Variants in RAP1A observed in about 807,000 individuals in gnomAD.
The protein encoded by RAP1A is RAP1A, member of RAS oncogene family.
A neutral mutation model predicts 26.4 loss-of-function variants in RAP1A; 6 were observed. That is an observed-to-expected ratio of 0.23 (90% CI 0.12 to 0.45). RAP1A has a LOEUF of 0.45. Ranked by LOEUF, RAP1A falls within the 20% of genes least tolerant of loss-of-function variation. RAP1A has a pLI of 0.99. For missense variants in RAP1A, 121 were observed against 217.2 expected, an observed-to-expected ratio of 0.56 and a Z score of 2.78; for synonymous variants, 73 against 79.4, an observed-to-expected ratio of 0.92 and a Z score of 0.43.
chr1:111,634,444 T>A (rs1659663473), intron 1 of RAP1A, among the ~76,000 whole-genome samples: 1 of 151,290 alleles, frequency 6.6e-6, no homozygotes, highest in African/African-American at 2.4e-5. Context: ...TATCTATTCA[T>A]ATGTAGAATA....
chr1:111,594,528 G>A (rs11102311), intron 1 of RAP1A, among the ~76,000 whole-genome samples: 8,382 of 147,070 alleles, frequency 0.057, 247 homozygotes, highest in African/African-American at 0.068. Flanking sequence ...GAAGGGGAAA[G>A]GGAAGAAGGA....
At chr1:111,644,885 A>T (rs867140521) in intron 1 of RAP1A, among the ~76,000 whole-genome samples, 1 of 152,104 alleles carries the variant, frequency 6.6e-6, no homozygotes, top group Non-Finnish European at 1.5e-5. Flanking sequence ...TTTAAAAAAG[A>T]TTTGTTTTTG....
At chr1:111,620,149 A>G (rs1659144205) in intron 1 of RAP1A, among the ~76,000 whole-genome samples, 2 of 152,138 alleles carry the variant, frequency 1.3e-5, no homozygotes, top group Non-Finnish European at 2.9e-5. Context: ...GCCAGAGCCA[A>G]CCACGCCCGC....
At chr1:111,637,513 G>A (rs949980274) in intron 1 of RAP1A, among the ~76,000 whole-genome samples, 4 of 152,158 alleles carry the variant, frequency 2.6e-5, no homozygotes, top group Admixed American at 6.5e-5. Context: ...CACCCCATTG[G>A]TGGTGATACT....
intron 1 of RAP1A, among the ~76,000 whole-genome samples, chr1:111,674,366 C>G (rs1447207211): frequency 2.0e-5 from 3 of 152,046 alleles, no homozygotes; most frequent in Admixed American, 6.6e-5. Flanking sequence ...ACTCTCCCAC[C>G]TCACTCTACC....
intron 3 of RAP1A, among the ~76,000 whole-genome samples, chr1:111,696,341 T>C (rs1247616879): frequency 6.6e-6 from 1 of 152,262 alleles, no homozygotes; most frequent in Non-Finnish European, 1.5e-5. Context: ...TTGAATTAAT[T>C]TGTTAGTTCA....
chr1:111,655,216 A>G (rs1387674461), intron 1 of RAP1A, among the ~76,000 whole-genome samples: 3 of 150,384 alleles, frequency 2.0e-5, no homozygotes, highest in East Asian at 2.0e-4. Context: ...GGAAACATAG[A>G]TTTAATGCAA....
chr1:111,661,264 A>C (rs976835565), intron 1 of RAP1A, among the ~76,000 whole-genome samples: 9 of 152,186 alleles, frequency 5.9e-5, no homozygotes, highest in African/African-American at 1.9e-4. Context: ...GAGGTCACTA[A>C]GTGATTAAAT....
intron 1 of RAP1A, among the ~76,000 whole-genome samples, chr1:111,611,695 TTACA>T (rs10562732): frequency 0.55 from 83,450 of 151,566 alleles, 23,025 homozygotes; most frequent in Middle Eastern, 0.65. Context: ...TTGCCCAAGG[TTACA>T]CACACAGCTG....
chr1:111,621,152 T>C (rs1285209652), intron 1 of RAP1A, among the ~76,000 whole-genome samples: 2 of 152,212 alleles, frequency 1.3e-5, no homozygotes, highest in Non-Finnish European at 1.5e-5. Flanking sequence ...AAGAATAAAG[T>C]ATCAGCTCTT....
chr1:111,624,710 G>T (rs1659340086), intron 1 of RAP1A, among the ~76,000 whole-genome samples: 1 of 152,108 alleles, frequency 6.6e-6, no homozygotes, highest in African/African-American at 2.4e-5. Flanking sequence ...AGGAAATTGT[G>T]TATGGTTATT....
intron 1 of RAP1A, among the ~76,000 whole-genome samples, chr1:111,571,545 A>G (rs768306224): frequency 2.0e-5 from 3 of 152,360 alleles, no homozygotes; most frequent in African/African-American, 4.8e-5. Flanking sequence ...TCAGTCGGGA[A>G]GTTCCAAGGG....
intron 1 of RAP1A, among the ~76,000 whole-genome samples, chr1:111,687,239 G>T (rs11802450): frequency 6.3e-5 from 9 of 141,808 alleles, no homozygotes; most frequent in African/African-American, 2.4e-4. Flanking sequence ...ATGGAGTCTC[G>T]CTCTGTTGCC....
intron 6 of RAP1A, among the ~76,000 whole-genome samples, chr1:111,708,494 C>G (rs1662270532): frequency 6.6e-6 from 1 of 152,154 alleles, no homozygotes; most frequent in Non-Finnish European, 1.5e-5. Context: ...TTTTTAAAAA[C>G]TAAAGTGAGA....
At chr1:111,671,785 T>G (rs2101184184) in intron 1 of RAP1A, among the ~76,000 whole-genome samples, 1 of 152,380 alleles carries the variant, frequency 6.6e-6, no homozygotes, top group South Asian at 2.1e-4. Context: ...GCTCCAGTAA[T>G]TTTTGACATG....
Position 111,695,501 on chromosome 1 carries a change from G to C in RAP1A, c.126+92G>C, listed in dbSNP as rs1325646359. 6 of 861,762 alleles carry C rather than the reference G, an allele frequency of 7.0e-6. No homozygotes were observed. The African/African-American group carries it at 1.1e-4, about 16-fold the overall frequency. 53.4% of individuals were successfully genotyped at this position (861,762 alleles called of 1,614,324 possible). A position where few individuals can be genotyped will look rare whatever the true frequency, so the allele number is the denominator to read the frequency against. On this transcript the variant is annotated intron_variant, in intron 3 of 7. Transcript: ENST00000369709. The stretch of plus-strand genomic sequence containing the variant: ...AGATTTGCTTTTTGAAAATAGTTTT[G>C]AGAAATAATACAAATATTGTGCATC...
intron 1 of RAP1A, among the ~76,000 whole-genome samples, chr1:111,682,305 A>AGCGAACATCATAATGACAG (rs1661324497): frequency 6.6e-6 from 1 of 151,838 alleles, no homozygotes; most frequent in Admixed American, 6.6e-5. Context: ...CAAAATAACC[A>AGCGAACATCATAATGACAG]GATCAAATTC....
chr1:111,686,055 A>G (rs1661465490), intron 1 of RAP1A, among the ~76,000 whole-genome samples: 1 of 151,106 alleles, frequency 6.6e-6, no homozygotes, highest in Non-Finnish European at 1.5e-5. Context: ...GTTCTCACTC[A>G]TAAGTGGGAG....
At chr1:111,650,093 CTTTTTT>C (rs57681662) in intron 1 of RAP1A, among the ~76,000 whole-genome samples, 10 of 75,884 alleles carry the variant, frequency 1.3e-4, no homozygotes, top group Non-Finnish European at 2.2e-4. Context: ...TGGTAGAGTG[CTTTTTT>C]TTTTTTTTTT....
Sources: gnomAD v4.1 joint callset for allele counts (sites outside exome capture counted in the v4.1 genomes callset) on GRCh38, gnomAD v4.1.1 for gene constraint, MANE v1.5 for transcripts, NCBI Gene and HGNC (gene_info 2026-07-23, HGNC 2026-07-21) for gene names.